NELL1: variants seen among roughly 807,000 people sequenced by gnomAD.
NELL1 encodes the protein protein kinase C-binding protein NELL1.
Under a neutral mutation model 107.4 loss-of-function variants are expected in NELL1, and 76 were observed. That is an observed-to-expected ratio of 0.71 (90% confidence interval 0.59 to 0.86). The LOEUF is 0.86. NELL1 is among the 40% of genes least tolerant of loss of function. The probability of loss-of-function intolerance (pLI) is 0.00; values close to 1 mark genes in which losing one functional copy is unlikely to be tolerated. For synonymous variants in NELL1, 353 were observed against 341.2 expected (o/e 1.03, Z -0.38); for missense variants, 1,024 against 1,005.5 (o/e 1.02, Z -0.25).
intron 3 of NELL1, among the ~76,000 whole-genome samples, chr11:20,791,785 C>G (rs1046067757): frequency 3.7e-5 from 5 of 134,618 alleles, no homozygotes; most frequent in African/African-American, 1.4e-4. Context: ...GGAGAAGTCT[C>G]TTTCTATTCC....
chr11:21,315,464 T>C (rs1428534279), intron 14 of NELL1, among the ~76,000 whole-genome samples: 1 of 152,168 alleles, frequency 6.6e-6, no homozygotes, highest in Non-Finnish European at 1.5e-5. Context: ...TGGACAGAAC[T>C]TGGTGAAAGA....
intron 15 of NELL1, among the ~76,000 whole-genome samples, chr11:21,498,040 A>T (rs1855029958): frequency 6.6e-6 from 1 of 152,004 alleles, no homozygotes; most frequent in Non-Finnish European, 1.5e-5. Flanking sequence ...TTCACAGTTC[A>T]ATGAAATAAT....
intron 5 of NELL1, among the ~76,000 whole-genome samples, chr11:20,888,357 T>C (rs1422774781): frequency 2.6e-5 from 4 of 151,726 alleles, no homozygotes; most frequent in African/African-American, 7.3e-5. Context: ...AAAATGGCTG[T>C]TCTGATGCCT....
chr11:20,938,153 G>A (rs754212411), intron 10 of NELL1, among the ~76,000 whole-genome samples: 1 of 152,254 alleles, frequency 6.6e-6, no homozygotes, highest in East Asian at 1.9e-4. Context: ...GTGGCCCTGC[G>A]AAAGGGTTTT....
In NELL1 at chr11:21,300,365, T is replaced by C. The variant is rs565767639; in HGVS notation, c.1550-70488T>C. Among the ~76,000 whole-genome samples, 14 of 151,936 alleles carry C rather than the reference T, an allele frequency of 9.2e-5. 3 individuals are homozygous for C. Among genetic ancestry groups the C allele is most frequent in the African/African-American group, 3.4e-4 (14 of 41,490 alleles). The stretch of plus-strand genomic sequence containing the variant: ...AAGGTAATGAAATGAAAAAGGAAGG[T>C]AGGGACAAGTGAGGTAGGACCTGGA... On this transcript the variant is annotated intron_variant, in intron 14 of 19. Coordinates refer to ENST00000357134, the MANE Select transcript of NELL1 (RefSeq NM_006157.5).
At chr11:21,218,031 TATG>T (rs1311715358) in intron 13 of NELL1, among the ~76,000 whole-genome samples, 1 of 152,216 alleles carries the variant, frequency 6.6e-6, no homozygotes, top group Non-Finnish European at 1.5e-5. Context: ...AAAGTATTGT[TATG>T]ATCATTATTA....
At chr11:21,026,762 T>A (rs893142787) in intron 12 of NELL1, among the ~76,000 whole-genome samples, 3 of 152,136 alleles carry the variant, frequency 2.0e-5, no homozygotes, top group Non-Finnish European at 2.9e-5. Context: ...CCGTGATCCT[T>A]TGAGTTAAGT....
chr11:21,411,400 A>G (rs1453034547), intron 15 of NELL1, among the ~76,000 whole-genome samples: 1 of 152,054 alleles, frequency 6.6e-6, no homozygotes, highest in Non-Finnish European at 1.5e-5. Context: ...TTTTCATGCA[A>G]TGGCTTAAGT....
At chr11:21,208,480 G>T (rs1297931878) in intron 13 of NELL1, among the ~76,000 whole-genome samples, 1 of 151,094 alleles carries the variant, frequency 6.6e-6, no homozygotes, top group South Asian at 2.1e-4. Context: ...AAATAGAAAA[G>T]CACTTGATTG....
intron 13 of NELL1, among the ~76,000 whole-genome samples, chr11:21,178,286 G>A (rs1349997131): frequency 6.6e-6 from 1 of 151,644 alleles, no homozygotes; most frequent in Non-Finnish European, 1.5e-5. Flanking sequence ...AATGAGACTT[G>A]ATCCTCATCT....
chr11:21,483,423 G>A (rs891313037), intron 15 of NELL1, among the ~76,000 whole-genome samples: 17 of 152,062 alleles, frequency 1.1e-4, no homozygotes, highest in Non-Finnish European at 1.6e-4. Context: ...TCTTCAACAA[G>A]CTAACTAAAT....
intron 2 of NELL1, among the ~76,000 whole-genome samples, chr11:20,743,978 G>A (rs60197003): frequency 0.021 from 3,140 of 152,186 alleles, 97 homozygotes; most frequent in African/African-American, 0.072. Context: ...TCAGGCCCAA[G>A]ATTTAGGGGC....
At chr11:20,722,571 A>G (rs1240159423) in intron 2 of NELL1, among the ~76,000 whole-genome samples, 3 of 152,196 alleles carry the variant, frequency 2.0e-5, no homozygotes, top group Admixed American at 6.5e-5. Context: ...AATTATTCTC[A>G]TTGTAGTTAG....
intron 13 of NELL1, among the ~76,000 whole-genome samples, chr11:21,166,772 A>G (rs1483195852): frequency 6.6e-6 from 1 of 151,990 alleles, no homozygotes; most frequent in Non-Finnish European, 1.5e-5. Context: ...TGACAATCTA[A>G]AACAAATAAT....
At chr11:21,568,311 G>T (rs749829878) in intron 17 of NELL1, among the ~76,000 whole-genome samples, 24 of 151,838 alleles carry the variant, frequency 1.6e-4, no homozygotes, top group African/African-American at 2.9e-4. Context: ...CACTTACCAT[G>T]AATGGAGCTT....
chr11:21,475,216 A>C (rs879212708), intron 15 of NELL1, among the ~76,000 whole-genome samples: 1 of 152,128 alleles, frequency 6.6e-6, no homozygotes, highest in Admixed American at 6.6e-5. Flanking sequence ...TATTTTATCT[A>C]TGCTTTTTTT....
chr11:21,278,032 A>G (rs1848908442), intron 14 of NELL1, among the ~76,000 whole-genome samples: 1 of 125,370 alleles, frequency 8.0e-6, no homozygotes, highest in South Asian at 3.0e-4. Flanking sequence ...CATGTACCCT[A>G]AAACTTGAAG....
intron 4 of NELL1, among the ~76,000 whole-genome samples, chr11:20,857,087 G>T (rs2134068891): frequency 6.6e-6 from 1 of 152,294 alleles, no homozygotes; most frequent in Non-Finnish European, 1.5e-5. Context: ...AGGTATAACT[G>T]CCCTGCTGAT....
intron 12 of NELL1, among the ~76,000 whole-genome samples, chr11:21,105,382 G>A (rs1590640557): frequency 6.6e-6 from 1 of 152,278 alleles, no homozygotes; most frequent in East Asian, 1.9e-4. Flanking sequence ...AAGACTGGTT[G>A]AACCAGATGT....
Sources: gnomAD v4.1 joint callset for allele counts (sites outside exome capture counted in the v4.1 genomes callset) on GRCh38, gnomAD v4.1.1 for gene constraint, MANE v1.5 for transcripts, NCBI Gene and HGNC (gene_info 2026-07-23, HGNC 2026-07-21) for gene names.